CCSER1: variants seen among roughly 807,000 people sequenced by gnomAD.
The protein encoded by CCSER1 is serine-rich coiled-coil domain-containing protein 1.
In CCSER1, 41 loss-of-function variants were observed where a neutral mutation model predicts 82.0. That is an observed-to-expected ratio of 0.50 (90% CI 0.39 to 0.65). The LOEUF (loss-of-function observed/expected upper bound fraction) is 0.65. Ranked by LOEUF, CCSER1 falls within the 30% of genes least tolerant of loss-of-function variation. The pLI, the probability that CCSER1 is intolerant of heterozygous loss-of-function variation, is 0.00. For synonymous variants in CCSER1, 414 were observed against 383.9 expected (o/e 1.08, Z -0.92); for missense variants, 1,119 against 1,064.2 (o/e 1.05, Z -0.72).
chr4:91,583,728 G>T (rs1763848983), intron 10 of CCSER1, among the ~76,000 whole-genome samples: 1 of 151,378 alleles, frequency 6.6e-6, no homozygotes, highest in Non-Finnish European at 1.5e-5. Context: ...TTTTATATAA[G>T]AACTATACAA....
intron 8 of CCSER1, among the ~76,000 whole-genome samples, chr4:90,848,591 T>C (rs1763479833): frequency 6.6e-6 from 1 of 152,200 alleles, no homozygotes. Flanking sequence ...TAACTCATTT[T>C]AGTTACTCAG....
chr4:91,042,814 A>G (rs1742091252), intron 9 of CCSER1, among the ~76,000 whole-genome samples: 2 of 152,202 alleles, frequency 1.3e-5, no homozygotes, highest in African/African-American at 4.8e-5. Flanking sequence ...GGTAGGGGGA[A>G]ATTAACAAAT....
At chr4:90,721,140 T>A (rs955565304) in intron 6 of CCSER1, among the ~76,000 whole-genome samples, 8 of 151,758 alleles carry the variant, frequency 5.3e-5, no homozygotes, top group Non-Finnish European at 1.2e-4. Context: ...AGGAGAAAAA[T>A]GAAAGAGAAC....
chr4:90,829,504 G>A (rs1312223114), intron 8 of CCSER1, among the ~76,000 whole-genome samples: 1 of 152,158 alleles, frequency 6.6e-6, no homozygotes, highest in African/African-American at 2.4e-5. Context: ...AGTGGTGGTA[G>A]AGATCCAAGT....
chr4:91,596,155 GTGTGACTGAATTATT>G (rs1329756581), intron 10 of CCSER1, among the ~76,000 whole-genome samples: 1 of 151,972 alleles, frequency 6.6e-6, no homozygotes, highest in Non-Finnish European at 1.5e-5. Flanking sequence ...GAGGCTGCCT[GTGTGACTGAATTATT>G]TGATCCTTTT....
At chr4:90,727,437 C>G (rs1422125521) in intron 7 of CCSER1, 5 of 364,430 alleles carry the variant, frequency 1.4e-5, no homozygotes, top group African/African-American at 1.1e-4. Flanking sequence ...TAAACCTGAA[C>G]AAAATTGATG....
chr4:90,376,279 T>A (rs987456645), intron 3 of CCSER1, among the ~76,000 whole-genome samples: 2 of 152,180 alleles, frequency 1.3e-5, no homozygotes, highest in Non-Finnish European at 2.9e-5. Context: ...TGGGATTCAC[T>A]AATCTGAAAA....
chr4:90,595,353 TGG>T (rs1783207469), intron 5 of CCSER1, among the ~76,000 whole-genome samples: 2 of 151,990 alleles, frequency 1.3e-5, no homozygotes, highest in East Asian at 1.9e-4. Context: ...TTGAAAATTA[TGG>T]TAGGCACTTG....
chr4:90,151,790 T>C (rs932174211), intron 1 of CCSER1, among the ~76,000 whole-genome samples: 52 of 152,140 alleles, frequency 3.4e-4, no homozygotes, highest in Admixed American at 3.4e-3. Flanking sequence ...TTTTCAATCT[T>C]TACAATGTAA....
At chr4:91,023,554 G>A (rs1241292323) in intron 9 of CCSER1, among the ~76,000 whole-genome samples, 2 of 152,242 alleles carry the variant, frequency 1.3e-5, no homozygotes, top group East Asian at 3.9e-4. Context: ...CAAGCAATGG[G>A]GAAAGGATTC....
chr4:91,232,327 T>C (rs2149117635), intron 10 of CCSER1, among the ~76,000 whole-genome samples: 1 of 151,952 alleles, frequency 6.6e-6, no homozygotes, highest in East Asian at 1.9e-4. Flanking sequence ...ACAATCTCAA[T>C]ATCCACTGAC....
chr4:90,347,792 G>C (rs766076391), intron 3 of CCSER1, among the ~76,000 whole-genome samples: 1 of 152,078 alleles, frequency 6.6e-6, no homozygotes, highest in South Asian at 2.1e-4. Context: ...CTAGAAAATA[G>C]AAGAAAATGT....
At chr4:90,186,742 A>G (rs550086593) in intron 1 of CCSER1, among the ~76,000 whole-genome samples, 1 of 151,914 alleles carries the variant, frequency 6.6e-6, no homozygotes, top group East Asian at 1.9e-4. Context: ...TGTAAAGTGT[A>G]CCTTTTTCCT....
At chr4:91,082,521 C>T (rs1229120184) in intron 9 of CCSER1, among the ~76,000 whole-genome samples, 1 of 152,144 alleles carries the variant, frequency 6.6e-6, no homozygotes, top group East Asian at 1.9e-4. Context: ...GTGACTAAAA[C>T]ACCAAAAGCA....
chr4:91,470,973 GTC>G (rs1400779761), intron 10 of CCSER1, among the ~76,000 whole-genome samples: 7 of 152,154 alleles, frequency 4.6e-5, no homozygotes, highest in African/African-American at 1.4e-4. Flanking sequence ...GCAAATGTGT[GTC>G]TCTGGAAAAT....
Position 91,172,739 on chromosome 4 carries a change from G to T in CCSER1, c.2217+86745G>T, listed in dbSNP as rs574578365. Among the ~76,000 whole-genome samples the T allele has an allele frequency of 2.8e-4, 43 of 152,278 alleles. 1 individual carries two copies. The South Asian group carries it at 8.7e-3, about 31-fold the overall frequency. Reference sequence around the variant, plus strand: ...CAGGGGTTTTCCTCCTAGAAGAGTAGTGGGGGATGAAGAAAATAAAATCTT... The same window carrying T: ...CAGGGGTTTTCCTCCTAGAAGAGTATTGGGGGATGAAGAAAATAAAATCTT... On this transcript the variant is annotated intron_variant, in intron 10 of 10. Coordinates refer to ENST00000509176, the MANE Select transcript of CCSER1 (RefSeq NM_001145065.2).
At chr4:90,213,785 C>T (rs1212705861) in intron 1 of CCSER1, among the ~76,000 whole-genome samples, 2 of 152,116 alleles carry the variant, frequency 1.3e-5, no homozygotes, top group Admixed American at 1.3e-4. Context: ...TAGCAGTGGT[C>T]TTAGCAATAT....
intron 9 of CCSER1, among the ~76,000 whole-genome samples, chr4:90,939,404 T>C (rs1050439271): frequency 6.6e-6 from 1 of 152,200 alleles, no homozygotes; most frequent in Non-Finnish European, 1.5e-5. Flanking sequence ...TGGACTTGAA[T>C]TGCTTCCTGA....
At chr4:90,576,004 A>C (rs1295909967) in intron 5 of CCSER1, among the ~76,000 whole-genome samples, 1 of 151,782 alleles carries the variant, frequency 6.6e-6, no homozygotes, top group Non-Finnish European at 1.5e-5. Flanking sequence ...CAGTTTTCAT[A>C]TCTCCGAAAT....
Sources: allele counts gnomAD v4.1 joint callset (sites outside exome capture counted in the v4.1 genomes callset), GRCh38; gene constraint gnomAD v4.1.1; transcripts MANE v1.5; gene names NCBI Gene and HGNC (gene_info 2026-07-23, HGNC 2026-07-21).